The following SUMF1 variants were observed in gnomAD, a reference collection of about 807,000 sequenced individuals.
SUMF1 encodes sulfatase modifying factor 1, also known as formylglycine-generating enzyme.
Under a neutral mutation model 47.6 loss-of-function variants are expected in SUMF1, and 48 were observed. That is an observed-to-expected ratio of 1.01 (90% CI 0.80 to 1.28). The LOEUF (loss-of-function observed/expected upper bound fraction) is 1.28, where lower values mean the gene tolerates loss of function less well. Ranked by LOEUF, SUMF1 falls within the 50% of genes most tolerant of loss-of-function variation. The probability of loss-of-function intolerance (pLI) is 0.00; values close to 1 mark genes in which losing one functional copy is unlikely to be tolerated. For synonymous variants in SUMF1, 230 were observed against 192.1 expected (o/e 1.20, Z -1.63); for missense variants, 571 against 485.4 (o/e 1.18, Z -1.66).
chr3:4,380,815 A>G (rs1700480495), intron 7 of SUMF1, among the ~76,000 whole-genome samples: 1 of 152,210 alleles, frequency 6.6e-6, no homozygotes, highest in African/African-American at 2.4e-5. Flanking sequence ...GCCAAGGTAC[A>G]GCTAAAGTTC....
At chr3:4,133,432 A>G (rs1342496122) in intron 8 of SUMF1, among the ~76,000 whole-genome samples, 1 of 152,118 alleles carries the variant, frequency 6.6e-6, no homozygotes, top group Admixed American at 6.5e-5. Context: ...GTTAATACTA[A>G]GTGTCAACTT....
chr3:4,328,507 G>T (rs374530068), intron 8 of SUMF1, among the ~76,000 whole-genome samples: 174 of 152,260 alleles, frequency 1.1e-3, no homozygotes, highest in South Asian at 2.3e-3. Context: ...ATGGTGGCAG[G>T]CAAGAGAACT....
intron 8 of SUMF1, among the ~76,000 whole-genome samples, chr3:4,194,768 C>T (rs961968125): frequency 6.6e-6 from 1 of 152,110 alleles, no homozygotes; most frequent in African/African-American, 2.4e-5. Flanking sequence ...TAATTTCAAC[C>T]TGTAAAACTA....
At chr3:4,166,130 G>C (rs1169193944) in intron 8 of SUMF1, among the ~76,000 whole-genome samples, 1 of 152,068 alleles carries the variant, frequency 6.6e-6, no homozygotes, top group Non-Finnish European at 1.5e-5. Flanking sequence ...TTTCCTCTTA[G>C]ACCACAAACA....
At chr3:4,209,514 T>A (rs1468187706) in intron 8 of SUMF1, among the ~76,000 whole-genome samples, 1 of 152,196 alleles carries the variant, frequency 6.6e-6, no homozygotes. Context: ...AAGTTTAAAA[T>A]TAAACTTTAT....
At chr3:4,262,010 A>C (rs1697097263) in intron 8 of SUMF1, among the ~76,000 whole-genome samples, 1 of 152,206 alleles carries the variant, frequency 6.6e-6, no homozygotes, top group Non-Finnish European at 1.5e-5. Flanking sequence ...AACGTATAAC[A>C]AGGTCTGGCC....
At chr3:4,066,409 T>C (rs1695376912) in intron 9 of SUMF1, among the ~76,000 whole-genome samples, 2 of 152,228 alleles carry the variant, frequency 1.3e-5, no homozygotes, top group South Asian at 2.1e-4. Flanking sequence ...AATTGTCTCA[T>C]AGAATGATGT....
chr3:4,321,950 AT>A (rs541905736), intron 8 of SUMF1, among the ~76,000 whole-genome samples: 5 of 152,298 alleles, frequency 3.3e-5, no homozygotes, highest in African/African-American at 1.2e-4. Flanking sequence ...AGTATATGCC[AT>A]TGACAGGATG....
intron 8 of SUMF1, among the ~76,000 whole-genome samples, chr3:4,232,956 A>G (rs1428639013): frequency 6.6e-6 from 1 of 152,106 alleles, no homozygotes; most frequent in African/African-American, 2.4e-5. Context: ...AATGCAGGTG[A>G]ATCCACGGGT....
chr3:4,449,116 C>T (rs1319427034), intron 3 of SUMF1, 150 bp downstream of exon 3: 9 of 858,908 alleles, frequency 1.0e-5, no homozygotes, highest in Non-Finnish European at 1.8e-5. Flanking sequence ...TGTCCTGGTC[C>T]ATGGGCCTAT....
intron 8 of SUMF1, among the ~76,000 whole-genome samples, chr3:4,285,466 G>A (rs970572552): frequency 1.3e-5 from 2 of 152,094 alleles, no homozygotes; most frequent in African/African-American, 2.4e-5. Context: ...CAATGAGAAT[G>A]TATGATTCTT....
intron 7 of SUMF1, among the ~76,000 whole-genome samples, chr3:4,400,153 T>A (rs1489540506): frequency 6.6e-6 from 1 of 151,902 alleles, no homozygotes; most frequent in Non-Finnish European, 1.5e-5. Flanking sequence ...ATTCCCAGAG[T>A]ACCCCTCCTC....
intron 8 of SUMF1, among the ~76,000 whole-genome samples, chr3:4,125,161 G>A (rs1693628156): frequency 6.6e-6 from 1 of 151,980 alleles, no homozygotes; most frequent in African/African-American, 2.4e-5. Flanking sequence ...AAGCTGTGCT[G>A]TACAATACAA....
intron 9 of SUMF1, among the ~76,000 whole-genome samples, chr3:4,048,495 AAACT>A (rs1221119452): frequency 6.6e-6 from 1 of 152,198 alleles, no homozygotes; most frequent in Non-Finnish European, 1.5e-5. Flanking sequence ...GCATTTCCAC[AAACT>A]AACTATGAGC....
intron 7 of SUMF1, among the ~76,000 whole-genome samples, chr3:4,389,576 T>C (rs1700787401): frequency 6.6e-6 from 1 of 152,206 alleles, no homozygotes; most frequent in Non-Finnish European, 1.5e-5. Context: ...TTTTCTCCTC[T>C]GGGATTCTCA....
intron 3 of SUMF1, among the ~76,000 whole-genome samples, chr3:4,433,894 A>T (rs1482886788): frequency 6.6e-6 from 1 of 152,244 alleles, no homozygotes; most frequent in East Asian, 1.9e-4. Context: ...TCAAGAAGGC[A>T]TGAATACAAA....
At chr3:4,129,683 A>G (rs567857613) in intron 8 of SUMF1, among the ~76,000 whole-genome samples, 1 of 152,240 alleles carries the variant, frequency 6.6e-6, no homozygotes, top group East Asian at 1.9e-4. Context: ...GTGCATTGGG[A>G]AAGGGAAATA....
intron 8 of SUMF1, among the ~76,000 whole-genome samples, chr3:4,242,183 G>C (rs1053882921): frequency 6.6e-6 from 1 of 152,168 alleles, no homozygotes; most frequent in African/African-American, 2.4e-5. Flanking sequence ...GGGCCGAGAA[G>C]ATGGGGTTTT....
At chr3:4,098,920 C>T (rs113492721) in intron 8 of SUMF1, among the ~76,000 whole-genome samples, 3 of 152,252 alleles carry the variant, frequency 2.0e-5, no homozygotes, top group South Asian at 2.1e-4. Flanking sequence ...ACATTCGAGA[C>T]TCATTAAGCA....
Sources: allele counts gnomAD v4.1 joint callset (sites outside exome capture counted in the v4.1 genomes callset), GRCh38; gene constraint gnomAD v4.1.1; transcripts MANE v1.5; gene names NCBI Gene and HGNC (gene_info 2026-07-23, HGNC 2026-07-21).